The following UGCG variants were observed in gnomAD, a reference collection of about 807,000 sequenced individuals.
UGCG encodes the protein ceramide glucosyltransferase.
Under a neutral mutation model 49.5 loss-of-function variants are expected in UGCG, and 10 were observed. The observed-to-expected ratio is 0.20, with a 90% confidence interval of 0.12 to 0.34. The LOEUF (loss-of-function observed/expected upper bound fraction) is 0.34, where lower values mean the gene tolerates loss of function less well. UGCG is among the 10% of genes least tolerant of loss of function. The probability of loss-of-function intolerance (pLI) is 1.00; values close to 1 mark genes in which losing one functional copy is unlikely to be tolerated. For synonymous variants in UGCG, 182 were observed against 158.2 expected (o/e 1.15, Z -1.13); for missense variants, 312 against 483.7 (o/e 0.65, Z 3.33).
chr9:111,931,556 A>G (rs1838424700), intron 7 of UGCG, among the ~76,000 whole-genome samples, 199 bp downstream of exon 7: 1 of 152,210 alleles, frequency 6.6e-6, no homozygotes, highest in Non-Finnish European at 1.5e-5. Flanking sequence ...ATAACACTGA[A>G]AGCACTCATT....
rs71373800 is a variant in UGCG at position 111,921,802 on chromosome 9, ATT to A, written c.241-1022_241-1021del. On this transcript the variant is annotated intron_variant, in intron 2 of 8. Coordinates refer to ENST00000374279, the MANE Select transcript of UGCG (RefSeq NM_003358.3). ...TTTTTAAAATAAATGCCCCAGGGTGATTTTTTTTTTTTTTTTTTTTTTTTTTG... is the reference window on the plus strand; with the variant it reads ...TTTTTAAAATAAATGCCCCAGGGTGATTTTTTTTTTTTTTTTTTTTTTTTG... 4.1e-3 allele frequency among the ~76,000 whole-genome samples: 230 copies of A among 55,524 alleles called. 1 individual carries two copies. Among genetic ancestry groups the A allele is most frequent in the Non-Finnish European group, 5.8e-3 (178 of 30,922 alleles). The allele number at this position is 55,524 out of a possible 152,430, so 36.4% of individuals were successfully genotyped here.
intron 1 of UGCG, among the ~76,000 whole-genome samples, chr9:111,897,710 CTTT>C (rs1837690661): frequency 6.6e-6 from 1 of 151,848 alleles, no homozygotes; most frequent in Non-Finnish European, 1.5e-5. Context: ...ATTGTGTCCA[CTTT>C]TCTGGGAGCT....
chr9:111,919,557 C>T (rs911386114), intron 2 of UGCG, among the ~76,000 whole-genome samples: 3 of 151,752 alleles, frequency 2.0e-5, no homozygotes, highest in South Asian at 4.2e-4. Context: ...TCTGGGAGGC[C>T]GAGGCAGGCA....
intron 1 of UGCG, among the ~76,000 whole-genome samples, chr9:111,908,370 A>G (rs1302596326): frequency 1.3e-5 from 2 of 152,224 alleles, no homozygotes; most frequent in African/African-American, 4.8e-5. Flanking sequence ...ATAAAAATTT[A>G]AAGCCAGCAA....
At chr9:111,929,723 C>T (rs1197532957) in intron 6 of UGCG, 45 bp downstream of exon 6, 14 of 1,594,708 alleles carry the variant, frequency 8.8e-6, no homozygotes, top group African/African-American at 1.4e-5. Context: ...TACCTAACTT[C>T]TGTTGGTTTA....
intron 7 of UGCG, 53 bp from the exon 8 acceptor site, chr9:111,932,117 T>C (rs1247109355): frequency 6.5e-7 from 1 of 1,535,578 alleles, no homozygotes; most frequent in African/African-American, 1.4e-5. Context: ...AAAAAAAGGA[T>C]TTGTCTTGTA....
intron 1 of UGCG, 48 bp from the exon 2 acceptor site, chr9:111,914,557 A>T: frequency 6.4e-7 from 1 of 1,565,548 alleles, no homozygotes. Flanking sequence ...CTTTGATTTG[A>T]CACTAATGTA....
intron 1 of UGCG, among the ~76,000 whole-genome samples, chr9:111,908,630 A>T (rs79136342): frequency 6.6e-6 from 1 of 152,206 alleles, no homozygotes; most frequent in Non-Finnish European, 1.5e-5. Flanking sequence ...TGCAAGCCAG[A>T]TGCATTATAG....
intron 1 of UGCG, among the ~76,000 whole-genome samples, chr9:111,902,061 A>G (rs1481845136): frequency 2.0e-5 from 3 of 152,234 alleles, no homozygotes; most frequent in Non-Finnish European, 2.9e-5. Context: ...CAAATGTACA[A>G]TGTGCTTTCT....
chr9:111,897,667 C>T (rs1226533284), intron 1 of UGCG, among the ~76,000 whole-genome samples: 1 of 151,832 alleles, frequency 6.6e-6, no homozygotes, highest in Non-Finnish European at 1.5e-5. Flanking sequence ...GTTTTTTTCT[C>T]CCGACCTGGG....
At chr9:111,907,167 C>T (rs1837901847) in intron 1 of UGCG, among the ~76,000 whole-genome samples, 1 of 152,138 alleles carries the variant, frequency 6.6e-6, no homozygotes, top group South Asian at 2.1e-4. Context: ...AGACCGCCTC[C>T]TAGGAGTAGT....
rs1368425684 is a variant in UGCG at position 111,930,529 on chromosome 9, G to T, written c.738-742G>T. On this transcript the variant is annotated intron_variant, in intron 6 of 8. Transcript: ENST00000374279. ...GACATCCAGGCTGGAGTGCAGTGGC[G>T]CAATCTCGGCTCACTGCAGTCTCCG... 2.0e-5 allele frequency among the ~76,000 whole-genome samples: 3 copies of T among 149,722 alleles called. No individual in the cohort carries two copies. The East Asian group carries it at 6.0e-4, about 30-fold the overall frequency.
intron 5 of UGCG, 180 bp from the exon 6 acceptor site, chr9:111,929,316 TACTA>T: frequency 2.1e-6 from 1 of 485,772 alleles, no homozygotes; most frequent in Non-Finnish European, 3.4e-6. Flanking sequence ...ATTTTTAGCT[TACTA>T]ACTGTGCTTG....
intron 5 of UGCG, 82 bp from the exon 6 acceptor site, chr9:111,929,418 A>C: frequency 2.1e-6 from 3 of 1,427,062 alleles, no homozygotes; most frequent in Non-Finnish European, 2.8e-6. Context: ...ACTTATAAAA[A>C]AACCATTGGG....
chr9:111,927,658 A>G (rs1838342887), intron 5 of UGCG, among the ~76,000 whole-genome samples: 1 of 152,076 alleles, frequency 6.6e-6, no homozygotes, highest in African/African-American at 2.4e-5. Context: ...TCACCGTGTT[A>G]GCCAGGATGG....
At chr9:111,931,173 C>A in intron 6 of UGCG, 98 bp from the exon 7 acceptor site, 1 of 1,146,238 alleles carries the variant, frequency 8.7e-7, no homozygotes, top group Non-Finnish European at 1.3e-6. Context: ...TGAATACCGG[C>A]AGTTGCCTGG....
chr9:111,902,086 A>T (rs1837785411), intron 1 of UGCG, among the ~76,000 whole-genome samples: 1 of 152,192 alleles, frequency 6.6e-6, no homozygotes, highest in African/African-American at 2.4e-5. Context: ...AATTGTCTTT[A>T]CTTTCTTTCT....
chr9:111,930,409 A>G (rs1022342936), intron 6 of UGCG, among the ~76,000 whole-genome samples: 1 of 152,096 alleles, frequency 6.6e-6, no homozygotes, highest in Non-Finnish European at 1.5e-5. Context: ...CTAAGAAGCC[A>G]CTGAAAGATT....
intron 1 of UGCG, among the ~76,000 whole-genome samples, chr9:111,911,631 C>T (rs906468649): frequency 2.0e-5 from 3 of 151,836 alleles, no homozygotes; most frequent in African/African-American, 7.3e-5. Flanking sequence ...AACGTGGTGG[C>T]TCATGCCTGT....
Sources: gnomAD v4.1 joint callset for allele counts (sites outside exome capture counted in the v4.1 genomes callset) on GRCh38, gnomAD v4.1.1 for gene constraint, MANE v1.5 for transcripts, NCBI Gene and HGNC (gene_info 2026-07-23, HGNC 2026-07-21) for gene names.